The following IL1RAPL2 variants were observed in gnomAD, a reference collection of about 807,000 sequenced individuals.
The protein encoded by IL1RAPL2 is interleukin 1 receptor accessory protein like 2, also known as X-linked interleukin-1 receptor accessory protein-like 2.
In IL1RAPL2, 3 loss-of-function variants were observed where a neutral mutation model predicts 44.1. The observed-to-expected ratio is 0.07, with a 90% confidence interval of 0.03 to 0.18. IL1RAPL2 has a LOEUF of 0.18. IL1RAPL2 is among the 10% of genes least tolerant of loss of function. IL1RAPL2 has a pLI of 1.00. For missense variants in IL1RAPL2, 391 were observed against 496.4 expected (o/e 0.79, Z 2.02); for synonymous variants, 181 against 178.8 (o/e 1.01, Z -0.10).
At chrX:105,728,339 T>A (rs967847840) in intron 7 of IL1RAPL2, among the ~76,000 whole-genome samples, 5 of 111,347 alleles carry the variant, frequency 4.5e-5, no homozygotes, top group African/African-American at 6.5e-5. Context: ...GGTTCCTACA[T>A]GTCTTTTCAT....
At chrX:105,680,003 CT>C (rs1212185613) in intron 6 of IL1RAPL2, among the ~76,000 whole-genome samples, 1 of 110,850 alleles carries the variant, frequency 9.0e-6, no homozygotes, top group Non-Finnish European at 1.9e-5. Context: ...TTCTTTCTTT[CT>C]TTTTTTAATT....
chrX:105,728,556 G>T (rs1367769196), intron 7 of IL1RAPL2, among the ~76,000 whole-genome samples: 2 of 111,076 alleles, frequency 1.8e-5, no homozygotes, highest in Admixed American at 9.6e-5. Flanking sequence ...TAGCTTTAGG[G>T]TTACAAAGAA....
chrX:105,594,341 A>T (rs749869182), intron 6 of IL1RAPL2, among the ~76,000 whole-genome samples: 23 of 112,005 alleles, frequency 2.1e-4, no homozygotes, highest in Non-Finnish European at 4.3e-4. Flanking sequence ...TAAATGGCAT[A>T]ACTCCATAAC....
At position 104,636,286 on chromosome X, in the gene IL1RAPL2, G is replaced by T. The variant is rs968203797; in HGVS notation, c.-19-22609G>T. Among the ~76,000 whole-genome samples the T allele has an allele frequency of 3.6e-5, 4 of 112,168 alleles. No homozygotes were observed. The East Asian group carries it at 1.1e-3, about 32-fold the overall frequency. The stretch of plus-strand genomic sequence containing the variant: ...GTGCCTCCCAGTTAGGCTACTCAGG[G>T]GTCAGGGACCCACTTGAGGAGGCAG... On this transcript the variant is annotated intron_variant, in intron 1 of 10. Coordinates refer to ENST00000372582, the MANE Select transcript of IL1RAPL2 (RefSeq NM_017416.2).
chrX:105,035,014 C>T (rs1194892255), intron 2 of IL1RAPL2, among the ~76,000 whole-genome samples: 1 of 16,829 alleles, frequency 5.9e-5, no homozygotes, highest in Non-Finnish European at 1.0e-4. Flanking sequence ...ATCAGCGAGA[C>T]ACTGTGGGCA....
intron 2 of IL1RAPL2, among the ~76,000 whole-genome samples, chrX:105,094,661 T>C (rs1234476922): frequency 1.8e-5 from 2 of 111,506 alleles, no homozygotes; most frequent in African/African-American, 6.5e-5. Context: ...GTTTTGGTCA[T>C]TGAGTCTCTT....
intron 2 of IL1RAPL2, among the ~76,000 whole-genome samples, chrX:104,992,330 G>A (rs761093628): frequency 1.8e-4 from 20 of 111,230 alleles, no homozygotes; most frequent in Non-Finnish European, 3.2e-4. Flanking sequence ...GGTACACAGA[G>A]GGGTATACCT....
intron 2 of IL1RAPL2, among the ~76,000 whole-genome samples, chrX:105,036,971 C>T (rs5916853): frequency 0.42 from 46,979 of 110,932 alleles, 8,711 homozygotes; most frequent in East Asian, 0.74. Context: ...TCTATCTTAG[C>T]TGACAAGTTA....
intron 2 of IL1RAPL2, among the ~76,000 whole-genome samples, chrX:104,762,947 G>A (rs765392540): frequency 2.7e-5 from 3 of 112,117 alleles, no homozygotes; most frequent in South Asian, 7.6e-4. Flanking sequence ...TGCCCTGGAG[G>A]CATCTTCCCC....
In IL1RAPL2 at chrX:105,511,423, A is replaced by G. The variant is rs752264816; in HGVS notation, c.772+27036A>G. Among the ~76,000 whole-genome samples, 9 of 111,397 alleles carry G rather than the reference A, an allele frequency of 8.1e-5. No homozygotes were observed. In the East Asian group the frequency reaches 2.6e-3, roughly 32 times the overall value. ...TGTAGGCTATTTTGTGCTGTCCTAT[A>G]TATATATACAAAAAGAGCTCTTATA... On this transcript the variant is annotated intron_variant, in intron 6 of 10. Transcript: ENST00000372582.
intron 2 of IL1RAPL2, among the ~76,000 whole-genome samples, chrX:105,029,380 T>C (rs1602900644): frequency 1.0e-5 from 1 of 100,205 alleles, no homozygotes; most frequent in African/African-American, 3.6e-5. Context: ...TAGGTATATC[T>C]CCAAATGCTA....
intron 2 of IL1RAPL2, among the ~76,000 whole-genome samples, chrX:104,950,018 G>A (rs962030622): frequency 1.3e-4 from 14 of 111,183 alleles, no homozygotes; most frequent in African/African-American, 3.9e-4. Context: ...TGACAGTGGG[G>A]TGTTAACGTC....
At chrX:104,692,515 C>A (rs900631692) in intron 2 of IL1RAPL2, among the ~76,000 whole-genome samples, 1 of 108,629 alleles carries the variant, frequency 9.2e-6, no homozygotes, top group Non-Finnish European at 1.9e-5. Flanking sequence ...CCCCACCCCA[C>A]GACAGGCCCT....
At chrX:105,709,628 G>C (rs1382168512) in intron 6 of IL1RAPL2, among the ~76,000 whole-genome samples, 1 of 111,491 alleles carries the variant, frequency 9.0e-6, no homozygotes, top group Non-Finnish European at 1.9e-5. Context: ...AAGCAGTATA[G>C]TGGAAGGGCT....
chrX:105,148,314 T>C (rs906044443), intron 2 of IL1RAPL2, among the ~76,000 whole-genome samples: 1 of 111,633 alleles, frequency 9.0e-6, no homozygotes, highest in South Asian at 3.8e-4. Context: ...TGGTGGTAAG[T>C]GTAATGTCGT....
chrX:105,141,279 T>C (rs750969310), intron 2 of IL1RAPL2, among the ~76,000 whole-genome samples: 1 of 110,488 alleles, frequency 9.1e-6, no homozygotes, highest in East Asian at 2.9e-4. Flanking sequence ...TGAACATTAG[T>C]TTAGAAAGCT....
chrX:104,920,859 C>A (rs1260430308), intron 2 of IL1RAPL2, among the ~76,000 whole-genome samples: 3 of 109,689 alleles, frequency 2.7e-5, no homozygotes, highest in Non-Finnish European at 5.7e-5. Context: ...GGAAAAGAAC[C>A]AAAATATTGA....
intron 2 of IL1RAPL2, among the ~76,000 whole-genome samples, chrX:105,159,709 A>G (rs2033303948): frequency 8.9e-6 from 1 of 111,957 alleles, no homozygotes; most frequent in African/African-American, 3.2e-5. Flanking sequence ...GGGGGCAGAC[A>G]TGTAAAGCAC....
chrX:104,810,611 G>A (rs1435153120), intron 2 of IL1RAPL2, among the ~76,000 whole-genome samples: 4 of 110,966 alleles, frequency 3.6e-5, no homozygotes, highest in East Asian at 2.8e-4. Context: ...ACCTATGATG[G>A]GAGATGATAT....
Sources: allele counts gnomAD v4.1 joint callset (sites outside exome capture counted in the v4.1 genomes callset), GRCh38; gene constraint gnomAD v4.1.1; transcripts MANE v1.5; gene names NCBI Gene and HGNC (gene_info 2026-07-23, HGNC 2026-07-21).